The following PIK3R3 variants were observed in gnomAD, a reference collection of about 807,000 sequenced individuals.
PIK3R3 encodes the protein phosphatidylinositol 3-kinase regulatory subunit gamma.
Under a neutral mutation model 62.9 loss-of-function variants are expected in PIK3R3, and 64 were observed. The ratio of observed to expected loss-of-function variants is 1.02; its 90% CI spans 0.83 to 1.25. The LOEUF is 1.25. Ranked by LOEUF, PIK3R3 falls within the 50% of genes most tolerant of loss-of-function variation. The probability of loss-of-function intolerance (pLI) is 0.00; values close to 1 mark genes in which losing one functional copy is unlikely to be tolerated. For missense variants in PIK3R3, 614 were observed against 561.6 expected, an observed-to-expected ratio of 1.09 and a Z score of -0.94; for synonymous variants, 165 against 189.0, an observed-to-expected ratio of 0.87 and a Z score of 1.04.
chr1:46,159,284 A>G, the PIK3R3 span, among the ~76,000 whole-genome samples: 1 of 152,100 alleles, frequency 6.6e-6, no homozygotes. Context: ...CCATGGTCAC[A>G]CAGTCAGGGG....
chr1:46,117,789 G>A (rs751011713), intron 1 of PIK3R3, among the ~76,000 whole-genome samples: 3 of 151,050 alleles, frequency 2.0e-5, no homozygotes, highest in Non-Finnish European at 4.4e-5. Flanking sequence ...AGAAAAATAG[G>A]TCAGGCATAA....
chr1:46,052,161 ATAAC>A lies in PIK3R3; in HGVS notation c.941+3630_941+3633del, dbSNP rs556477099. ...TCAAAAAAAAAATTAAATAAAATAA[ATAAC>A]TAAGAATAAAATAGAACAATTATAA... On this transcript the variant is annotated intron_variant, in intron 7 of 9. Coordinates refer to ENST00000262741, the MANE Select transcript of PIK3R3 (RefSeq NM_003629.4). 1.6e-4 allele frequency among the ~76,000 whole-genome samples: 25 copies of A among 152,232 alleles called. No homozygotes were observed. In the East Asian group the frequency reaches 2.5e-3, roughly 15 times the overall value.
chr1:46,105,355 C>T (rs539897201), intron 1 of PIK3R3, among the ~76,000 whole-genome samples: 2 of 152,208 alleles, frequency 1.3e-5, no homozygotes, highest in South Asian at 4.1e-4. Context: ...CAAAAATTAG[C>T]TGACATGGCG....
intron 1 of PIK3R3, among the ~76,000 whole-genome samples, chr1:46,095,453 G>C (rs1338509779): frequency 2.0e-5 from 3 of 152,152 alleles, no homozygotes; most frequent in Non-Finnish European, 4.4e-5. Flanking sequence ...GGAACTAAAT[G>C]ATGAGAACAC....
intron 2 of PIK3R3, among the ~76,000 whole-genome samples, chr1:46,079,150 A>G (rs1650349877): frequency 6.6e-6 from 1 of 152,174 alleles, no homozygotes; most frequent in South Asian, 2.1e-4. Flanking sequence ...AAGAGAACAG[A>G]GAAGAGAAAG....
chr1:46,052,996 T>A (rs1163332646), intron 7 of PIK3R3, among the ~76,000 whole-genome samples: 2 of 152,244 alleles, frequency 1.3e-5, no homozygotes, highest in Non-Finnish European at 2.9e-5. Flanking sequence ...ACACGTATTT[T>A]ACTACCAGTC....
At chr1:46,084,762 C>T (rs1195576591) in intron 1 of PIK3R3, among the ~76,000 whole-genome samples, 2 of 152,166 alleles carry the variant, frequency 1.3e-5, no homozygotes, top group Admixed American at 6.5e-5. Context: ...TAATACTCAT[C>T]AGAATGGGGT....
At chr1:46,058,881 G>C (rs1490618440) in intron 6 of PIK3R3, among the ~76,000 whole-genome samples, 1 of 152,154 alleles carries the variant, frequency 6.6e-6, no homozygotes, top group African/African-American at 2.4e-5. Flanking sequence ...ATGCATGATT[G>C]GTTCTGAAAT....
chr1:46,156,324 G>A, the PIK3R3 span, among the ~76,000 whole-genome samples: 12 of 151,996 alleles, frequency 7.9e-5, no homozygotes, highest in East Asian at 2.1e-3. Flanking sequence ...GCCGAGCATG[G>A]TGGTGCACAC....
chr1:46,133,495 T>G (rs1214204144), upstream of PIK3R3, among the ~76,000 whole-genome samples: 1 of 152,176 alleles, frequency 6.6e-6, no homozygotes, highest in Non-Finnish European at 1.5e-5. Flanking sequence ...GGAGACTCCT[T>G]TCCTACAGAC....
At chr1:46,053,709 C>T (rs1389576895) in intron 7 of PIK3R3, among the ~76,000 whole-genome samples, 1 of 152,180 alleles carries the variant, frequency 6.6e-6, no homozygotes, top group African/African-American at 2.4e-5. Flanking sequence ...CTGGTATTTA[C>T]AAACTACCCA....
the PIK3R3 span, among the ~76,000 whole-genome samples, chr1:46,146,778 C>T: frequency 6.7e-6 from 1 of 150,048 alleles, no homozygotes; most frequent in Non-Finnish European, 1.5e-5. Flanking sequence ...CCCATCTCTC[C>T]TCTCTCCAAT....
chr1:46,086,995 T>C (rs938827998), intron 1 of PIK3R3, among the ~76,000 whole-genome samples: 1 of 152,016 alleles, frequency 6.6e-6, no homozygotes, highest in African/African-American at 2.4e-5. Flanking sequence ...AAACCATCAT[T>C]CTGAGCGAAC....
At chr1:46,084,581 CTT>C (rs1650896233) in intron 1 of PIK3R3, among the ~76,000 whole-genome samples, 1 of 152,132 alleles carries the variant, frequency 6.6e-6, no homozygotes, top group Non-Finnish European at 1.5e-5. Context: ...TGAACTATAA[CTT>C]AGCAAAATTT....
intron 3 of PIK3R3, among the ~76,000 whole-genome samples, 183 bp from the exon 4 acceptor site, chr1:46,067,274 A>ATATATATATG (rs1159638013): frequency 1.4e-5 from 2 of 147,792 alleles, no homozygotes; most frequent in East Asian, 3.9e-4. Flanking sequence ...ATATATATAT[A>ATATATATATG]TATAATTCAT....
At chr1:46,104,543 C>T (rs184084396) in intron 1 of PIK3R3, among the ~76,000 whole-genome samples, 10 of 152,200 alleles carry the variant, frequency 6.6e-5, no homozygotes, top group South Asian at 2.1e-4. Context: ...CATCTACAAA[C>T]GAGACAGATT....
chr1:46,174,369 T>A, the PIK3R3 span, among the ~76,000 whole-genome samples: 1 of 152,104 alleles, frequency 6.6e-6, no homozygotes, highest in African/African-American at 2.4e-5. Flanking sequence ...GGTGTGTCAG[T>A]GAATTCTCTG....
At position 46,068,982 on chromosome 1, in the gene PIK3R3, T is replaced by C. The variant is rs147407681; in HGVS notation, c.315-1891A>G. 8.7e-3 allele frequency among the ~76,000 whole-genome samples: 1,324 copies of C among 152,306 alleles called. 8 individuals carry two copies. Among genetic ancestry groups the C allele is most frequent in the South Asian group, 0.015 (74 of 4,828 alleles). ...GCAGCAGTAGAAGTGGAAAGATCACTTGTGAAACTTTTATAATAATCTAGG... is the reference window on the plus strand; with the variant it reads ...GCAGCAGTAGAAGTGGAAAGATCACCTGTGAAACTTTTATAATAATCTAGG... On this transcript the variant is annotated intron_variant, in intron 3 of 9. Transcript: ENST00000262741.
chr1:46,063,639 A>T (rs1349375087), intron 5 of PIK3R3, among the ~76,000 whole-genome samples: 1 of 152,160 alleles, frequency 6.6e-6, no homozygotes, highest in Non-Finnish European at 1.5e-5. Flanking sequence ...CCCATCAACA[A>T]TGCCACTATA....
Sources: allele counts gnomAD v4.1 joint callset (sites outside exome capture counted in the v4.1 genomes callset), GRCh38; gene constraint gnomAD v4.1.1; transcripts MANE v1.5; gene names NCBI Gene and HGNC (gene_info 2026-07-23, HGNC 2026-07-21).